RAD51B: variants seen among roughly 807,000 people sequenced by gnomAD.
RAD51B encodes DNA repair protein RAD51 homolog 2.
In RAD51B, 38 loss-of-function variants were observed where a neutral mutation model predicts 42.2. The ratio of observed to expected loss-of-function variants is 0.90; its 90% CI spans 0.70 to 1.18. The LOEUF (loss-of-function observed/expected upper bound fraction) is 1.18. Among genes scored for constraint, RAD51B ranks in the 50% most tolerant of loss-of-function variants. The probability of loss-of-function intolerance (pLI) is 0.00; values close to 1 mark genes in which losing one functional copy is unlikely to be tolerated. For synonymous variants in RAD51B, 154 were observed against 145.2 expected (o/e 1.06, Z -0.43); for missense variants, 373 against 400.7 (o/e 0.93, Z 0.59).
chr14:67,941,558 A>G (rs996152317), intron 7 of RAD51B, among the ~76,000 whole-genome samples: 1 of 152,136 alleles, frequency 6.6e-6, no homozygotes, highest in Admixed American at 6.5e-5. Context: ...GACTGTCCCT[A>G]TTTCTCTCTT....
intron 7 of RAD51B, among the ~76,000 whole-genome samples, chr14:67,921,015 C>T (rs1015362848): frequency 1.3e-5 from 2 of 152,178 alleles, no homozygotes; most frequent in Non-Finnish European, 2.9e-5. Context: ...ACATTGAGAA[C>T]CATCTCATAG....
rs557741805 is a variant in RAD51B at position 68,413,765 on chromosome 14, A to G, written c.957+2238A>G. Among the ~76,000 whole-genome samples, 15 of 152,330 alleles carry G rather than the reference A, an allele frequency of 9.8e-5. 1 individual carries two copies. The South Asian group carries it at 3.1e-3, about 32-fold the overall frequency. On this transcript the variant is annotated intron_variant, in intron 9 of 10. Coordinates refer to ENST00000471583, the MANE Select transcript of RAD51B (RefSeq NM_133510.4). The stretch of plus-strand genomic sequence containing the variant: ...TACGAAGCGAAGGCTTTTCTGGGAT[A>G]TGTGCATAAAACAGTACTTTAAAGC...
chr14:68,023,323 T>C (rs1595273457), intron 7 of RAD51B, among the ~76,000 whole-genome samples: 1 of 152,052 alleles, frequency 6.6e-6, no homozygotes, highest in Non-Finnish European at 1.5e-5. Flanking sequence ...CTCATGAACA[T>C]CTATTATTTT....
chr14:68,511,373 G>A (rs1446679844), intron 10 of RAD51B, among the ~76,000 whole-genome samples: 1 of 152,170 alleles, frequency 6.6e-6, no homozygotes, highest in African/African-American at 2.4e-5. Context: ...ACAAGCCTCA[G>A]AGATGATTTC....
At chr14:68,247,025 A>T (rs7145443) in intron 7 of RAD51B, among the ~76,000 whole-genome samples, 4,483 of 152,296 alleles carry the variant, frequency 0.029, 224 homozygotes, top group African/African-American at 0.1. Flanking sequence ...CCCAGTAAGA[A>T]GTAAACCCTG....
At chr14:68,253,080 CAA>C (rs750026666) in intron 7 of RAD51B, among the ~76,000 whole-genome samples, 74 of 108,292 alleles carry the variant, frequency 6.8e-4, no homozygotes, top group Admixed American at 6.8e-4. Flanking sequence ...AGGACTCCGT[CAA>C]AAAAAAAAAA....
In RAD51B at chr14:68,085,486, AG is replaced by A. The variant is rs568720987; in HGVS notation, c.756+198284del. 2.8e-4 allele frequency among the ~76,000 whole-genome samples: 42 copies of A among 152,314 alleles called. No homozygotes were observed. In the East Asian group the frequency reaches 6.8e-3, roughly 25 times the overall value. ...AGGAGTGTATAGTTAAGGAAGCCAA[AG>A]GAAGAGAGAGTTTGAAAAAGAAGGG... On this transcript the variant is annotated intron_variant, in intron 7 of 10. Transcript: ENST00000471583.
At position 68,206,938 on chromosome 14, in the gene RAD51B, C is replaced by T. The variant is rs1034517241; in HGVS notation, c.757-84946C>T. 3.9e-5 allele frequency among the ~76,000 whole-genome samples: 6 copies of T among 152,004 alleles called. No homozygotes were observed. In the South Asian group the frequency reaches 8.3e-4, roughly 21 times the overall value. On this transcript the variant is annotated intron_variant, in intron 7 of 10. Transcript: ENST00000471583. Reference sequence around the variant, plus strand: ...CCAAGTAGCTGGGACTACAGGCGCCCGCCAACGCGCCCGGCTAATTTTTTT... The same window carrying T: ...CCAAGTAGCTGGGACTACAGGCGCCTGCCAACGCGCCCGGCTAATTTTTTT...
intron 9 of RAD51B, among the ~76,000 whole-genome samples, chr14:68,412,525 C>G (rs545276614): frequency 2.2e-4 from 34 of 152,322 alleles, no homozygotes; most frequent in Admixed American, 2.6e-4. Context: ...CAGGAATCAT[C>G]AAAAACAGGC....
At chr14:68,029,600 C>A (rs1428471767) in intron 7 of RAD51B, among the ~76,000 whole-genome samples, 1 of 152,264 alleles carries the variant, frequency 6.6e-6, no homozygotes, top group Middle Eastern at 3.4e-3. Context: ...CTGTTTTTCC[C>A]GCATCTGCAG....
At chr14:68,327,035 A>G (rs2082264871) in intron 8 of RAD51B, among the ~76,000 whole-genome samples, 1 of 152,192 alleles carries the variant, frequency 6.6e-6, no homozygotes, top group Non-Finnish European at 1.5e-5. Flanking sequence ...GATGTGACAC[A>G]CACAGGCCAG....
downstream of RAD51B, among the ~76,000 whole-genome samples, chr14:68,613,648 G>C (rs1595028551): frequency 1.3e-5 from 2 of 151,864 alleles, no homozygotes; most frequent in Admixed American, 6.6e-5. Flanking sequence ...TAGAGATGGG[G>C]TTTCACCGTG....
At chr14:68,325,800 G>A (rs1037455970) in intron 8 of RAD51B, among the ~76,000 whole-genome samples, 2 of 151,948 alleles carry the variant, frequency 1.3e-5, no homozygotes, top group Non-Finnish European at 1.5e-5. Context: ...TATACACTCA[G>A]TATACACAAC....
At chr14:68,096,138 A>G (rs1211844418) in intron 7 of RAD51B, among the ~76,000 whole-genome samples, 1 of 152,144 alleles carries the variant, frequency 6.6e-6, no homozygotes, top group Non-Finnish European at 1.5e-5. Context: ...ATATTCTACA[A>G]AATCCATATT....
chr14:68,004,781 C>T (rs570010065), intron 7 of RAD51B, among the ~76,000 whole-genome samples: 10 of 152,172 alleles, frequency 6.6e-5, no homozygotes, highest in African/African-American at 2.4e-4. Context: ...CTGAGGGTGA[C>T]CACCTACTCC....
chr14:68,094,452 A>G (rs1240326188), intron 7 of RAD51B, among the ~76,000 whole-genome samples: 1 of 152,244 alleles, frequency 6.6e-6, no homozygotes, highest in African/African-American at 2.4e-5. Flanking sequence ...GAAAAATATA[A>G]AAGAAGGCTA....
chr14:67,960,671 T>C (rs1299228577), intron 7 of RAD51B, among the ~76,000 whole-genome samples: 1 of 152,178 alleles, frequency 6.6e-6, no homozygotes, highest in East Asian at 1.9e-4. Flanking sequence ...CTTTTTTCTT[T>C]CTTTTTCTTT....
intron 7 of RAD51B, among the ~76,000 whole-genome samples, chr14:68,228,894 C>T (rs1041448810): frequency 3.3e-5 from 5 of 152,150 alleles, no homozygotes; most frequent in African/African-American, 1.2e-4. Flanking sequence ...TTTGCAGCTT[C>T]CTATAGACTG....
intron 7 of RAD51B, among the ~76,000 whole-genome samples, chr14:68,021,166 A>C (rs760575007): frequency 3.3e-5 from 5 of 152,118 alleles, no homozygotes; most frequent in African/African-American, 7.2e-5. Flanking sequence ...TGTTTTTTTC[A>C]CATATAATTA....
Sources: gnomAD v4.1 joint callset for allele counts (sites outside exome capture counted in the v4.1 genomes callset) on GRCh38, gnomAD v4.1.1 for gene constraint, MANE v1.5 for transcripts, NCBI Gene and HGNC (gene_info 2026-07-23, HGNC 2026-07-21) for gene names.